Variants in FOCAD observed in about 807,000 individuals in gnomAD.
FOCAD encodes the protein focadhesin.
A neutral mutation model predicts 225.6 loss-of-function variants in FOCAD; 198 were observed. The ratio of observed to expected loss-of-function variants is 0.88; its 90% confidence interval spans 0.78 to 0.99. The LOEUF (loss-of-function observed/expected upper bound fraction) is 0.99, where lower values mean the gene tolerates loss of function less well. FOCAD is among the 50% of genes least tolerant of loss of function. The pLI is 0.00. For synonymous variants in FOCAD, 897 were observed against 755.0 expected (o/e 1.19, Z -3.08); for missense variants, 2,713 against 2,123.6 (o/e 1.28, Z -5.46).
At chr9:20,889,790 C>T (rs939651874) in intron 21 of FOCAD, among the ~76,000 whole-genome samples, 1 of 152,092 alleles carries the variant, frequency 6.6e-6, no homozygotes, top group African/African-American at 2.4e-5. Context: ...TTGCTGATTT[C>T]AATGGTAAAT....
chr9:20,798,165 G>A (rs1347913620), intron 11 of FOCAD, among the ~76,000 whole-genome samples: 6 of 152,252 alleles, frequency 3.9e-5, no homozygotes, highest in African/African-American at 1.4e-4. Flanking sequence ...ATTTGCGTAT[G>A]TTGAACCAGC....
At chr9:20,749,029 TC>T (rs1370862926) in intron 5 of FOCAD, among the ~76,000 whole-genome samples, 3 of 152,112 alleles carry the variant, frequency 2.0e-5, no homozygotes, top group African/African-American at 7.2e-5. Flanking sequence ...GTGTTTTTTT[TC>T]CCCCAGTGAT....
chr9:20,816,156 A>G (rs1305008324), intron 11 of FOCAD, among the ~76,000 whole-genome samples: 1 of 152,054 alleles, frequency 6.6e-6, no homozygotes, highest in Non-Finnish European at 1.5e-5. Flanking sequence ...ACTCTTAGAC[A>G]TAAATACAGT....
At chr9:20,771,775 T>G (rs1220023865) in intron 8 of FOCAD, among the ~76,000 whole-genome samples, 1 of 152,078 alleles carries the variant, frequency 6.6e-6, no homozygotes, top group East Asian at 1.9e-4. Flanking sequence ...AATAAACAAA[T>G]AAAATTATTT....
chr9:20,801,655 G>A (rs10964709), intron 11 of FOCAD, among the ~76,000 whole-genome samples: 29,287 of 152,072 alleles, frequency 0.19, 3,219 homozygotes, highest in Non-Finnish European at 0.24. Flanking sequence ...AAAGAATGGA[G>A]TAAAATACAT....
chr9:20,989,833 G>A lies in FOCAD; in HGVS notation c.5005-290G>A, dbSNP rs1465543345. Among the ~76,000 whole-genome samples, 4 of 152,158 alleles carry A rather than the reference G, an allele frequency of 2.6e-5. No individual in the cohort carries two copies. The East Asian group carries it at 7.7e-4, about 29-fold the overall frequency. On this transcript the variant is annotated intron_variant, in intron 41 of 43. Transcript: ENST00000338382. ...TGATGTGATTAGGAATTGAATAAAC[G>A]ATGTTTCTCCTGAAATGTTAGAGCG...
Position 20,732,056 on chromosome 9 carries a change from A to G in FOCAD, c.288-8180A>G, listed in dbSNP as rs374156960. On this transcript the variant is annotated intron_variant, in intron 4 of 43. Transcript: ENST00000338382. ...TGCTGCAGCTATCAACCCATCACCT[A>G]GGTATTAAGCCCAGCATGCATTAAC... Among the ~76,000 whole-genome samples, 467 of 152,300 alleles carry G rather than the reference A, an allele frequency of 3.1e-3. 4 individuals are homozygous for G. The highest frequency in any genetic ancestry group is 0.011 in the African/African-American group (453 of 41,570).
intron 7 of FOCAD, among the ~76,000 whole-genome samples, 166 bp from the exon 8 acceptor site, chr9:20,769,866 C>T (rs1370678670): frequency 6.6e-6 from 1 of 152,178 alleles, no homozygotes; most frequent in African/African-American, 2.4e-5. Flanking sequence ...GGATAAGGTG[C>T]AGTTGTATAG....
chr9:20,719,017 A>G (rs1379981225), intron 3 of FOCAD, among the ~76,000 whole-genome samples: 1 of 152,178 alleles, frequency 6.6e-6, no homozygotes, highest in African/African-American at 2.4e-5. Flanking sequence ...TAATAGTGGG[A>G]TGCTAAGATA....
chr9:20,760,223 G>C (rs1332383478), intron 6 of FOCAD, among the ~76,000 whole-genome samples: 2 of 152,206 alleles, frequency 1.3e-5, no homozygotes, highest in Non-Finnish European at 2.9e-5. Flanking sequence ...TGCACTTGCA[G>C]TGCATGGGCT....
rs77923570 is a variant in FOCAD, at chr9:20,974,453, T to G, written c.4133-1967T>G. Among the ~76,000 whole-genome samples the G allele has an allele frequency of 1.5e-3, 100 of 65,714 alleles. 2 individuals are homozygous for G. The highest frequency in any genetic ancestry group is 3.4e-3 in the Admixed American group (18 of 5,332). The allele number at this position is 65,714 out of a possible 152,430, so 43.1% of individuals were successfully genotyped here. ...TTCTCTTTTCTGCTGCTGTTTTCAC[T>G]TTTGCTGTCTCTGCCCTACTTCCCC... On this transcript the variant is annotated intron_variant, in intron 35 of 43. Coordinates refer to ENST00000338382, the MANE Select transcript of FOCAD (RefSeq NM_001375567.1).
At chr9:20,791,802 C>G (rs1348922317) in intron 11 of FOCAD, among the ~76,000 whole-genome samples, 1 of 152,092 alleles carries the variant, frequency 6.6e-6, no homozygotes, top group Non-Finnish European at 1.5e-5. Context: ...CCACCAGGTT[C>G]ATGTGGAATG....
chr9:20,761,569 C>T (rs937565336), intron 6 of FOCAD, among the ~76,000 whole-genome samples: 2 of 151,918 alleles, frequency 1.3e-5, no homozygotes, highest in African/African-American at 2.4e-5. Context: ...TACAGGTGCC[C>T]GCCACCATGC....
chr9:20,947,371 T>TA (rs557978852), intron 30 of FOCAD, among the ~76,000 whole-genome samples: 2 of 152,160 alleles, frequency 1.3e-5, no homozygotes, highest in Non-Finnish European at 2.9e-5. Context: ...TTGAAGGCAT[T>TA]ATGCTAAATG....
intron 15 of FOCAD, among the ~76,000 whole-genome samples, chr9:20,823,620 A>G (rs1386981439): frequency 6.6e-6 from 1 of 152,122 alleles, no homozygotes; most frequent in East Asian, 1.9e-4. Context: ...CCAGAATTAT[A>G]ACACAGCAGA....
chr9:20,935,935 C>T (rs1835903745), intron 28 of FOCAD, among the ~76,000 whole-genome samples: 1 of 152,006 alleles, frequency 6.6e-6, no homozygotes, highest in African/African-American at 2.4e-5. Flanking sequence ...AAATTATTTT[C>T]TCATTTCATT....
At chr9:20,665,923 C>G (rs1054627802) in intron 2 of FOCAD, among the ~76,000 whole-genome samples, 5 of 151,860 alleles carry the variant, frequency 3.3e-5, no homozygotes, top group African/African-American at 9.7e-5. Context: ...TAGACGGAGT[C>G]TCGCTCTGTC....
intron 35 of FOCAD, among the ~76,000 whole-genome samples, chr9:20,976,170 C>G (rs1840211343): frequency 6.6e-6 from 1 of 151,814 alleles, no homozygotes; most frequent in African/African-American, 2.4e-5. Flanking sequence ...CTCTATACCC[C>G]ATAAATATAT....
upstream of FOCAD, among the ~76,000 whole-genome samples, chr9:20,657,147 G>A (rs1223085126): frequency 5.9e-5 from 9 of 152,046 alleles, no homozygotes; most frequent in African/African-American, 1.4e-4. Flanking sequence ...CGAGAGATCC[G>A]CTGTTAGTCT....
Sources: allele counts gnomAD v4.1 joint callset (sites outside exome capture counted in the v4.1 genomes callset), GRCh38; gene constraint gnomAD v4.1.1; transcripts MANE v1.5; gene names NCBI Gene and HGNC (gene_info 2026-07-23, HGNC 2026-07-21).